Variants in PIK3CB observed in about 807,000 individuals in gnomAD.
PIK3CB encodes phosphatidylinositol-4,5-bisphosphate 3-kinase catalytic subunit beta, also known as phosphatidylinositol 4,5-bisphosphate 3-kinase catalytic subunit beta isoform.
PIK3CB carries 39 observed loss-of-function variants against 136.8 expected under a neutral mutation model. That is an observed-to-expected ratio of 0.29 (90% confidence interval 0.22 to 0.37). The LOEUF is 0.37. PIK3CB is among the 10% of genes least tolerant of loss of function. The pLI, the probability that PIK3CB is intolerant of heterozygous loss-of-function variation, is 1.00. For synonymous variants in PIK3CB, 428 were observed against 436.6 expected, an observed-to-expected ratio of 0.98 and a Z score of 0.25; for missense variants, 868 against 1,275.4, an observed-to-expected ratio of 0.68 and a Z score of 4.87.
At chr3:138,673,780 T>C (rs1454864182) in intron 19 of PIK3CB, among the ~76,000 whole-genome samples, 1 of 152,190 alleles carries the variant, frequency 6.6e-6, no homozygotes, top group African/African-American at 2.4e-5. Flanking sequence ...TTCCCAGTTA[T>C]GTGGTAGCCT....
chr3:138,721,757 C>G (rs1438735095), intron 8 of PIK3CB, among the ~76,000 whole-genome samples: 2 of 152,104 alleles, frequency 1.3e-5, no homozygotes, highest in South Asian at 4.1e-4. Context: ...CCAGATTATA[C>G]TGTCAATATT....
At chr3:138,755,649 T>A in intron 4 of PIK3CB, 105 bp downstream of exon 4, 1 of 592,460 alleles carries the variant, frequency 1.7e-6, no homozygotes, top group Non-Finnish European at 2.9e-6. Flanking sequence ...TCAGCAGTGG[T>A]CCATGGACCA....
chr3:138,664,880 C>T (rs912838397), intron 20 of PIK3CB, among the ~76,000 whole-genome samples, 156 bp downstream of exon 20: 1 of 152,140 alleles, frequency 6.6e-6, no homozygotes, highest in Non-Finnish European at 1.5e-5. Context: ...CAAGACTTTA[C>T]GAAGGGCTAT....
intron 1 of PIK3CB, among the ~76,000 whole-genome samples, chr3:138,833,307 T>A (rs578236102): frequency 2.4e-4 from 37 of 151,892 alleles, no homozygotes; most frequent in Non-Finnish European, 4.6e-4. Context: ...AATCAATTGA[T>A]CCGCCCGCCT....
chr3:138,737,605 T>C (rs184889645), intron 6 of PIK3CB, 102 bp downstream of exon 6: 145 of 331,412 alleles, frequency 4.4e-4, no homozygotes, highest in African/African-American at 3.0e-3. Context: ...ATATTCCAAA[T>C]GTTCCAGTGT....
At chr3:138,762,202 T>C (rs957253178) in intron 2 of PIK3CB, among the ~76,000 whole-genome samples, 12 of 151,412 alleles carry the variant, frequency 7.9e-5, no homozygotes, top group Non-Finnish European at 1.6e-4. Flanking sequence ...TGAGCAGAGA[T>C]TGTGCCATTG....
At chr3:138,820,777 A>C (rs1933526984) in intron 1 of PIK3CB, among the ~76,000 whole-genome samples, 2 of 152,182 alleles carry the variant, frequency 1.3e-5, no homozygotes, top group Non-Finnish European at 2.9e-5. Flanking sequence ...TATAGGCATG[A>C]GCCACCGTGC....
chr3:138,769,010 C>T (rs929241296), intron 2 of PIK3CB, among the ~76,000 whole-genome samples: 5 of 152,124 alleles, frequency 3.3e-5, no homozygotes, highest in Admixed American at 3.3e-4. Context: ...AAGGAGTGTG[C>T]TCCTGCCTGC....
chr3:138,807,835 C>CA (rs1297544042), intron 1 of PIK3CB, among the ~76,000 whole-genome samples: 1 of 151,232 alleles, frequency 6.6e-6, no homozygotes, highest in Admixed American at 6.6e-5. Context: ...GTTGAGGCTG[C>CA]AGTGAGCTAT....
At chr3:138,794,878 C>T (rs1325162992) in intron 2 of PIK3CB, among the ~76,000 whole-genome samples, 1 of 152,144 alleles carries the variant, frequency 6.6e-6, no homozygotes, top group Non-Finnish European at 1.5e-5. Context: ...TTCTTGTATA[C>T]TTTAAATCAC....
chr3:138,809,286 A>C (rs958104621), intron 1 of PIK3CB, among the ~76,000 whole-genome samples: 2 of 151,374 alleles, frequency 1.3e-5, no homozygotes, highest in African/African-American at 4.9e-5. Flanking sequence ...TCAAAAAAAA[A>C]CTTACAACTT....
chr3:138,781,996 CACT>C (rs2045928841), intron 2 of PIK3CB, among the ~76,000 whole-genome samples: 1 of 152,228 alleles, frequency 6.6e-6, no homozygotes, highest in African/African-American at 2.4e-5. Flanking sequence ...AATTTCCTTG[CACT>C]AAATTGCTAA....
intron 6 of PIK3CB, among the ~76,000 whole-genome samples, chr3:138,737,394 CAAAAAAAAAAA>C (rs11344311): frequency 4.1e-4 from 16 of 39,064 alleles, no homozygotes; most frequent in Non-Finnish European, 6.8e-4. Flanking sequence ...CACTCTGTCT[CAAAAAAAAAAA>C]AAAAAAAAAA....
chr3:138,760,445 C>T (rs1271786733), intron 2 of PIK3CB, among the ~76,000 whole-genome samples: 1 of 152,160 alleles, frequency 6.6e-6, no homozygotes, highest in African/African-American at 2.4e-5. Context: ...AAAACAAACG[C>T]ACTATCCCAA....
intron 21 of PIK3CB, among the ~76,000 whole-genome samples, chr3:138,663,677 C>T (rs2043347838): frequency 6.6e-6 from 1 of 152,176 alleles, no homozygotes; most frequent in South Asian, 2.1e-4. Context: ...CCACCACACA[C>T]AGCCTTTAGT....
At chr3:138,717,071 T>C (rs546494840) in intron 8 of PIK3CB, among the ~76,000 whole-genome samples, 1 of 149,478 alleles carries the variant, frequency 6.7e-6, no homozygotes, top group Non-Finnish European at 1.5e-5. Flanking sequence ...CTGGCCAACA[T>C]GGTAAAACTC....
intron 1 of PIK3CB, among the ~76,000 whole-genome samples, chr3:138,830,167 A>G (rs2881900): frequency 0.51 from 77,412 of 151,904 alleles, 22,236 homozygotes; most frequent in African/African-American, 0.75. Flanking sequence ...TAAAACTCGA[A>G]TATCCTAGAA....
At chr3:138,745,370 C>CTCCTGTCA (rs1386537686) in intron 4 of PIK3CB, among the ~76,000 whole-genome samples, 1 of 152,130 alleles carries the variant, frequency 6.6e-6, no homozygotes, top group Non-Finnish European at 1.5e-5. Flanking sequence ...ACCTATAATC[C>CTCCTGTCA]TCCTGTCATC....
intron 13 of PIK3CB, among the ~76,000 whole-genome samples, chr3:138,695,601 G>A (rs909128238): frequency 3.3e-5 from 5 of 151,938 alleles, no homozygotes; most frequent in African/African-American, 1.2e-4. Flanking sequence ...CTCATATCAA[G>A]CAAAAGTAAA....
Sources: allele counts gnomAD v4.1 joint callset (sites outside exome capture counted in the v4.1 genomes callset), GRCh38; gene constraint gnomAD v4.1.1; transcripts MANE v1.5; gene names NCBI Gene and HGNC (gene_info 2026-07-23, HGNC 2026-07-21).